Variants in NAV3 observed in about 807,000 individuals in gnomAD.
NAV3 encodes neuron navigator 3, also known as pore membrane and/or filament interacting like protein 1.
Under a neutral mutation model 244.7 loss-of-function variants are expected in NAV3, and 87 were observed. The observed-to-expected ratio is 0.36, with a 90% CI of 0.30 to 0.42. NAV3 has a LOEUF of 0.42. NAV3 is among the 20% of genes least tolerant of loss of function. The probability of loss-of-function intolerance (pLI) is 1.00; values close to 1 mark genes in which losing one functional copy is unlikely to be tolerated. For synonymous variants in NAV3, 1,126 were observed against 1,042.2 expected, an observed-to-expected ratio of 1.08 and a Z score of -1.55; for missense variants, 2,663 against 2,893.3, an observed-to-expected ratio of 0.92 and a Z score of 1.83.
chr12:77,803,283 C>T (rs79036556), intron 2 of NAV3, among the ~76,000 whole-genome samples: 33,339 of 151,978 alleles, frequency 0.22, 4,503 homozygotes, highest in Non-Finnish European at 0.3. Flanking sequence ...TCCTAGCCCC[C>T]CATCCCCCAA....
chr12:78,154,570 G>C (rs1957225284), intron 22 of NAV3, among the ~76,000 whole-genome samples: 1 of 151,328 alleles, frequency 6.6e-6, no homozygotes, highest in Non-Finnish European at 1.5e-5. Flanking sequence ...AAACCAAAGA[G>C]AGTATGGATT....
intron 12 of NAV3, among the ~76,000 whole-genome samples, chr12:78,076,452 C>A (rs1489419301): frequency 1.3e-5 from 2 of 152,016 alleles, no homozygotes; most frequent in Non-Finnish European, 2.9e-5. Context: ...TATGACATAC[C>A]CAAAGACAGG....
chr12:77,719,405 T>G (rs1441559649), intron 2 of NAV3, among the ~76,000 whole-genome samples: 3 of 151,872 alleles, frequency 2.0e-5, no homozygotes, highest in African/African-American at 7.3e-5. Context: ...TTTCAGAGTT[T>G]TTTTTTTTTT....
At chr12:77,626,432 A>G (rs1263754577) in intron 2 of NAV3, among the ~76,000 whole-genome samples, 4 of 152,178 alleles carry the variant, frequency 2.6e-5, no homozygotes, top group African/African-American at 9.7e-5. Flanking sequence ...CAAGAGATAT[A>G]AACATCCAAA....
chr12:77,849,744 A>G (rs1877215619), intron 1 of NAV3, among the ~76,000 whole-genome samples: 2 of 152,166 alleles, frequency 1.3e-5, no homozygotes, highest in South Asian at 2.1e-4. Context: ...CTCAATCTAT[A>G]TATCAGTGAT....
rs146918859 is a variant in NAV3 at position 77,893,431 on chromosome 12, G to C, written c.244-46888G>C. Among the ~76,000 whole-genome samples the C allele has an allele frequency of 1.0e-3, 157 of 152,214 alleles. 2 individuals are homozygous for C. In the East Asian group the frequency reaches 0.021, roughly 20 times the overall value. ...TTGAGATTGTTAAACAAAAGACACA[G>C]TTGAAGCTTATAATACTAATGTATT... On this transcript the variant is annotated intron_variant, in intron 1 of 39. Transcript: ENST00000397909.
At chr12:78,168,664 A>G (rs1957879027) in intron 23 of NAV3, 91 bp from the exon 24 acceptor site, 13 of 792,710 alleles carry the variant, frequency 1.6e-5, no homozygotes, top group Non-Finnish European at 2.6e-5. Flanking sequence ...TTGTTACTAC[A>G]TAAAATCAAA....
chr12:77,961,986 C>G (rs1365069766), intron 3 of NAV3, among the ~76,000 whole-genome samples: 1 of 151,988 alleles, frequency 6.6e-6, no homozygotes, highest in Non-Finnish European at 1.5e-5. Context: ...TTATTTAATT[C>G]TAAATCTAAT....
At chr12:78,064,735 A>G (rs1208187531) in intron 12 of NAV3, among the ~76,000 whole-genome samples, 2 of 152,054 alleles carry the variant, frequency 1.3e-5, no homozygotes, top group Non-Finnish European at 2.9e-5. Flanking sequence ...GGATTAAAGT[A>G]TTAGTATGTA....
At chr12:77,713,078 C>A (rs1396922572) in intron 2 of NAV3, among the ~76,000 whole-genome samples, 5 of 152,216 alleles carry the variant, frequency 3.3e-5, no homozygotes, top group African/African-American at 9.6e-5. Flanking sequence ...TTTCTACCAA[C>A]CGAGAGATTG....
chr12:77,712,886 C>T (rs904435561), intron 2 of NAV3, among the ~76,000 whole-genome samples: 7 of 152,180 alleles, frequency 4.6e-5, no homozygotes, highest in African/African-American at 1.7e-4. Flanking sequence ...TCACATTTTA[C>T]AGATCACACT....
intron 12 of NAV3, among the ~76,000 whole-genome samples, chr12:78,082,660 A>G (rs1953419517): frequency 6.6e-6 from 1 of 152,184 alleles, no homozygotes; most frequent in African/African-American, 2.4e-5. Context: ...TTTTTAGGAG[A>G]AAAGATTATC....
At chr12:78,154,819 C>G (rs1184134261) in intron 22 of NAV3, among the ~76,000 whole-genome samples, 1 of 151,908 alleles carries the variant, frequency 6.6e-6, no homozygotes, top group African/African-American at 2.4e-5. Context: ...ATGTGATACC[C>G]TATAAGTTTA....
chr12:78,156,334 C>T (rs996179998), intron 22 of NAV3, among the ~76,000 whole-genome samples: 2 of 152,022 alleles, frequency 1.3e-5, no homozygotes, highest in Admixed American at 1.3e-4. Flanking sequence ...ATAATCATAA[C>T]ATACATTTCA....
chr12:78,098,041 A>T (rs896783613), intron 12 of NAV3, among the ~76,000 whole-genome samples: 15 of 152,264 alleles, frequency 9.9e-5, no homozygotes, highest in African/African-American at 3.4e-4. Context: ...AACAGCCTGT[A>T]CATTCTCAAA....
At chr12:77,765,575 A>G (rs1310821046) in intron 2 of NAV3, among the ~76,000 whole-genome samples, 1 of 152,218 alleles carries the variant, frequency 6.6e-6, no homozygotes, top group Non-Finnish European at 1.5e-5. Flanking sequence ...GAAAGGGGCA[A>G]TCCAAATGAA....
chr12:77,931,109 T>TG, intron 1 of NAV3, among the ~76,000 whole-genome samples: 1 of 152,190 alleles, frequency 6.6e-6, no homozygotes, highest in Admixed American at 6.5e-5. Flanking sequence ...ACTAGTATTT[T>TG]TTTGACACTT....
At chr12:77,989,253 G>T (rs181371522) in intron 5 of NAV3, among the ~76,000 whole-genome samples, 1 of 152,290 alleles carries the variant, frequency 6.6e-6, no homozygotes, top group East Asian at 1.9e-4. Context: ...ACGTTTAAGA[G>T]TAGTAGAAGG....
chr12:77,653,304 T>C (rs529140470), intron 2 of NAV3, among the ~76,000 whole-genome samples: 34 of 152,312 alleles, frequency 2.2e-4, no homozygotes, highest in African/African-American at 7.7e-4. Context: ...CAGGTGCTAA[T>C]TGAGTATTTG....
Sources: gnomAD v4.1 joint callset for allele counts (sites outside exome capture counted in the v4.1 genomes callset) on GRCh38, gnomAD v4.1.1 for gene constraint, MANE v1.5 for transcripts, NCBI Gene and HGNC (gene_info 2026-07-23, HGNC 2026-07-21) for gene names.